The following DCHS2 variants were observed in gnomAD, a reference collection of about 807,000 sequenced individuals.
The protein encoded by DCHS2 is dachsous cadherin-related 2.
DCHS2 carries 142 observed loss-of-function variants against 182.4 expected under a neutral mutation model. The ratio of observed to expected loss-of-function variants is 0.78; its 90% CI spans 0.68 to 0.89. DCHS2 has a LOEUF of 0.89. Ranked by LOEUF, DCHS2 falls within the 40% of genes least tolerant of loss-of-function variation. The pLI is 0.00. For missense variants in DCHS2, 4,319 were observed against 4,198.6 expected (o/e 1.03, Z -0.79); for synonymous variants, 1,740 against 1,663.3 (o/e 1.05, Z -1.12).
At chr4:154,259,473 C>A in intron 15 of DCHS2, 72 bp downstream of exon 15, 1 of 1,147,454 alleles carries the variant, frequency 8.7e-7, no homozygotes, top group Admixed American at 2.7e-5. Context: ...TGTAATAATT[C>A]TCTCTCTCTC....
intron 1 of DCHS2, among the ~76,000 whole-genome samples, chr4:154,482,926 T>C (rs1419929212): frequency 2.0e-5 from 3 of 152,316 alleles, no homozygotes; most frequent in African/African-American, 4.8e-5. Context: ...CAGCAGGCTA[T>C]GGTGCTTAAA....
At position 154,234,479 on chromosome 4, in the gene DCHS2, C is replaced by T. The variant is rs1731344476; in HGVS notation, c.*57G>A. ...CAATCTCGAGTTGCTGGCTTGAAAA[C>T]ATTTTGTTCATTCATTCATGACCAA... On this transcript the variant is annotated 3_prime_UTR_variant, in exon 20 of 20. Transcript: ENST00000357232. 2 of 1,463,328 alleles carry T rather than the reference C, an allele frequency of 1.4e-6. No homozygotes were observed. The highest frequency in any genetic ancestry group is 1.8e-6 in the Non-Finnish European group (2 of 1,105,454). 90.6% of individuals were successfully genotyped at this position (1,463,328 alleles called of 1,614,324 possible). A position where few individuals can be genotyped will look rare whatever the true frequency, so the allele number is the denominator to read the frequency against.
At chr4:154,274,540 A>C (rs1442583026) in intron 13 of DCHS2, among the ~76,000 whole-genome samples, 1 of 152,176 alleles carries the variant, frequency 6.6e-6, no homozygotes, top group East Asian at 1.9e-4. Context: ...TATATGTTTT[A>C]TAACTCTATA....
At chr4:154,343,165 T>C (rs1055330438) in intron 3 of DCHS2, among the ~76,000 whole-genome samples, 1 of 152,146 alleles carries the variant, frequency 6.6e-6, no homozygotes, top group African/African-American at 2.4e-5. Context: ...TGTAGACAGA[T>C]GATATCTGTA....
At chr4:154,435,439 CA>C (rs1435068637) in intron 1 of DCHS2, among the ~76,000 whole-genome samples, 1 of 151,684 alleles carries the variant, frequency 6.6e-6, no homozygotes, top group Non-Finnish European at 1.5e-5. Context: ...TACTAAAATG[CA>C]AAAAAATTAG....
chr4:154,308,397 C>T (rs1158577392), intron 10 of DCHS2, among the ~76,000 whole-genome samples: 1 of 152,146 alleles, frequency 6.6e-6, no homozygotes, highest in East Asian at 1.9e-4. Flanking sequence ...GAGTGGGGTG[C>T]ATTGACAATC....
chr4:154,240,658 A>G lies in DCHS2; in HGVS notation c.7238T>C (p.Met2413Thr). Residue 2413 changes from methionine to threonine, a missense_variant, in exon 18 of 20, where the codon ATG becomes ACG. Coordinates refer to ENST00000357232, the MANE Select transcript of DCHS2 (RefSeq NM_001358235.2). ...VLVKTLDFEEMTEYELLIQIS... is the reference protein window; with the variant it reads ...VLVKTLDFEETTEYELLIQIS... ...TTGGATGAGCAGCTCATATTCAGTC[A>G]TTTCTTCAAAATCCAATGTTTTCAC... The G allele has an allele frequency of 6.2e-7, 1 of 1,613,968 alleles. No homozygotes were observed. The highest frequency in any genetic ancestry group is 8.5e-7 in the Non-Finnish European group (1 of 1,179,934).
intron 13 of DCHS2, 117 bp downstream of exon 13, chr4:154,297,734 C>T (rs923798655): frequency 6.9e-7 from 1 of 1,452,516 alleles, no homozygotes; most frequent in Non-Finnish European, 9.2e-7. Flanking sequence ...CAAGAACAGG[C>T]ATTGAACTAA....
chr4:154,466,062 T>C (rs1295821098), intron 1 of DCHS2, among the ~76,000 whole-genome samples: 1 of 150,122 alleles, frequency 6.7e-6, no homozygotes, highest in African/African-American at 2.5e-5. Context: ...AATTAATTAA[T>C]TTAAATTAAT....
At chr4:154,342,809 T>C (rs1216499216) in intron 3 of DCHS2, among the ~76,000 whole-genome samples, 1 of 152,290 alleles carries the variant, frequency 6.6e-6, no homozygotes, top group East Asian at 1.9e-4. Flanking sequence ...CCTCCCTCCA[T>C]GAATCACAAA....
chr4:154,415,660 G>A (rs1732801142), intron 1 of DCHS2, among the ~76,000 whole-genome samples: 1 of 152,178 alleles, frequency 6.6e-6, no homozygotes, highest in Admixed American at 6.5e-5. Flanking sequence ...GAGACCTAAA[G>A]CTACGGTATC....
At chr4:154,387,129 C>T (rs1015855054) in intron 1 of DCHS2, among the ~76,000 whole-genome samples, 3 of 152,046 alleles carry the variant, frequency 2.0e-5, no homozygotes, top group Non-Finnish European at 4.4e-5. Flanking sequence ...CAAGTTACAG[C>T]CTGAAAAAGT....
intron 2 of DCHS2, among the ~76,000 whole-genome samples, chr4:154,375,852 G>T (rs1015904738): frequency 6.6e-6 from 1 of 152,036 alleles, no homozygotes; most frequent in Non-Finnish European, 1.5e-5. Flanking sequence ...TATAGAACAG[G>T]TTAAAATTAT....
intron 1 of DCHS2, among the ~76,000 whole-genome samples, chr4:154,429,900 T>C (rs1406100067): frequency 3.3e-5 from 5 of 152,198 alleles, no homozygotes; most frequent in African/African-American, 1.2e-4. Context: ...TCACACACTG[T>C]GCCTCAGTTT....
chr4:154,482,144 T>C (rs1735946454), intron 1 of DCHS2, among the ~76,000 whole-genome samples: 1 of 152,166 alleles, frequency 6.6e-6, no homozygotes, highest in Non-Finnish European at 1.5e-5. Context: ...AAAAAGTGAG[T>C]GTAGCAAGAT....
intron 3 of DCHS2, among the ~76,000 whole-genome samples, chr4:154,364,695 G>A (rs1379024488): frequency 6.6e-6 from 1 of 152,114 alleles, no homozygotes; most frequent in Non-Finnish European, 1.5e-5. Flanking sequence ...ATGGGGCTGG[G>A]TGAGAGGGCA....
At chr4:154,488,886 ATGTGTGTGTGTGTGTCTGTGTGTGTGTG>A (rs1189127320) in intron 1 of DCHS2, among the ~76,000 whole-genome samples, 3 of 117,916 alleles carry the variant, frequency 2.5e-5, no homozygotes, top group Non-Finnish European at 5.5e-5. Context: ...AAATATATAT[ATGTGTGTGTGTGTGTCTGTGTGTGTGTG>A]TGTGTGTGTG....
intron 1 of DCHS2, among the ~76,000 whole-genome samples, chr4:154,417,820 T>G (rs1732938285): frequency 6.6e-6 from 1 of 152,216 alleles, no homozygotes; most frequent in African/African-American, 2.4e-5. Context: ...AGGCTTTCAA[T>G]TCTCTTTCTA....
chr4:154,391,055 TC>T (rs1288845820), intron 1 of DCHS2: 1 of 897,782 alleles, frequency 1.1e-6, no homozygotes, highest in African/African-American at 1.7e-5. Flanking sequence ...AGGCTTTATT[TC>T]CCTGAAGCTC....
Sources: gnomAD v4.1 joint callset for allele counts (sites outside exome capture counted in the v4.1 genomes callset) on GRCh38, gnomAD v4.1.1 for gene constraint, MANE v1.5 for transcripts, NCBI Gene and HGNC (gene_info 2026-07-23, HGNC 2026-07-21) for gene names.